The following TNFSF4 variants were observed in gnomAD, a reference collection of about 807,000 sequenced individuals.
TNFSF4 encodes tumor necrosis factor ligand superfamily member 4.
Under a neutral mutation model 7.3 loss-of-function variants are expected in TNFSF4, and 4 were observed. The observed-to-expected ratio is 0.55, with a 90% confidence interval of 0.27 to 1.25. The LOEUF is 1.25. Ranked by LOEUF, TNFSF4 falls within the 50% of genes most tolerant of loss-of-function variation. TNFSF4 has a pLI of 0.12. For synonymous variants in TNFSF4, 76 were observed against 83.7 expected, an observed-to-expected ratio of 0.91 and a Z score of 0.50; for missense variants, 181 against 208.8, an observed-to-expected ratio of 0.87 and a Z score of 0.82.
the TNFSF4 span, among the ~76,000 whole-genome samples, chr1:173,286,273 A>G: frequency 1.3e-5 from 2 of 152,236 alleles, no homozygotes; most frequent in African/African-American, 4.8e-5. Flanking sequence ...TAAAATGTAT[A>G]TAGAAATGTA....
At chr1:173,381,599 C>A in the TNFSF4 span, among the ~76,000 whole-genome samples, 2 of 152,202 alleles carry the variant, frequency 1.3e-5, no homozygotes, top group South Asian at 4.1e-4. Context: ...GACCCCTGAA[C>A]CAACCCATTG....
chr1:173,238,889 G>C, the TNFSF4 span, among the ~76,000 whole-genome samples: 1 of 152,116 alleles, frequency 6.6e-6, no homozygotes, highest in African/African-American at 2.4e-5. Flanking sequence ...GCCAAAAAAA[G>C]GGTATTAGAT....
At chr1:173,261,328 G>T in the TNFSF4 span, among the ~76,000 whole-genome samples, 3 of 152,192 alleles carry the variant, frequency 2.0e-5, no homozygotes, top group Non-Finnish European at 4.4e-5. Flanking sequence ...AGCTAAAGTA[G>T]TGTTAACAGG....
the TNFSF4 span, among the ~76,000 whole-genome samples, chr1:173,432,909 T>A: frequency 4.6e-5 from 7 of 152,342 alleles, no homozygotes; most frequent in African/African-American, 1.7e-4. Flanking sequence ...AGAAGAAAAG[T>A]GACAATTGTT....
chr1:173,378,463 T>C, the TNFSF4 span, among the ~76,000 whole-genome samples: 1 of 152,142 alleles, frequency 6.6e-6, no homozygotes, highest in African/African-American at 2.4e-5. Context: ...ATCAACAGGC[T>C]CACCCCTGAA....
the TNFSF4 span, among the ~76,000 whole-genome samples, chr1:173,346,166 C>A: frequency 6.6e-6 from 1 of 152,150 alleles, no homozygotes; most frequent in African/African-American, 2.4e-5. Flanking sequence ...CTCATCCCCA[C>A]CCTCAACTCT....
the TNFSF4 span, among the ~76,000 whole-genome samples, chr1:173,343,668 TCTAA>T: frequency 6.6e-6 from 1 of 152,226 alleles, no homozygotes. Context: ...CTCATGGCAT[TCTAA>T]ACAATCTTTT....
the TNFSF4 span, among the ~76,000 whole-genome samples, chr1:173,259,034 T>C: frequency 2.0e-5 from 3 of 152,132 alleles, no homozygotes; most frequent in African/African-American, 7.2e-5. Flanking sequence ...CTATGCTTCC[T>C]AACTGGGTGA....
the TNFSF4 span, among the ~76,000 whole-genome samples, chr1:173,443,966 T>C: frequency 7.2e-5 from 11 of 152,112 alleles, no homozygotes; most frequent in Admixed American, 6.6e-4. Context: ...TAGCCTATAG[T>C]CTTTGTTGCC....
At chr1:173,226,373 C>T in the TNFSF4 span, among the ~76,000 whole-genome samples, 1 of 152,270 alleles carries the variant, frequency 6.6e-6, no homozygotes, top group East Asian at 1.9e-4. Flanking sequence ...AAATTGCTTG[C>T]CCTGGGCTTT....
the TNFSF4 span, among the ~76,000 whole-genome samples, chr1:173,324,533 T>A: frequency 6.6e-6 from 1 of 152,150 alleles, no homozygotes; most frequent in Admixed American, 6.5e-5. Flanking sequence ...TAAATGTAAA[T>A]GGACTAAATG....
At chr1:173,291,637 G>C in the TNFSF4 span, among the ~76,000 whole-genome samples, 1 of 151,904 alleles carries the variant, frequency 6.6e-6, no homozygotes, top group African/African-American at 2.4e-5. Flanking sequence ...AAGAAAAGAA[G>C]TAGCCAAAAT....
the TNFSF4 span, among the ~76,000 whole-genome samples, chr1:173,388,057 C>G: frequency 6.6e-6 from 1 of 152,138 alleles, no homozygotes; most frequent in Admixed American, 6.5e-5. Context: ...AATAATAGCA[C>G]CTTTCACATT....
intron 1 of TNFSF4, chr1:173,205,200 G>A: frequency 7.9e-7 from 1 of 1,272,692 alleles, no homozygotes; most frequent in South Asian, 1.5e-5. Context: ...TCTATTTTCA[G>A]AGTAGACAGG....
the TNFSF4 span, among the ~76,000 whole-genome samples, chr1:173,257,197 A>G: frequency 6.6e-6 from 1 of 152,232 alleles, no homozygotes; most frequent in South Asian, 2.1e-4. Flanking sequence ...ACACCTATGC[A>G]CTGATGACTC....
the TNFSF4 span, among the ~76,000 whole-genome samples, chr1:173,269,512 G>T: frequency 1.3e-5 from 2 of 152,062 alleles, no homozygotes; most frequent in South Asian, 4.1e-4. Flanking sequence ...TGCATGCTTT[G>T]GGGCCATTAT....
chr1:173,236,410 T>C, the TNFSF4 span, among the ~76,000 whole-genome samples: 2 of 140,192 alleles, frequency 1.4e-5, no homozygotes, highest in Admixed American at 7.5e-5. Flanking sequence ...CAAGCACCAG[T>C]TATTTCAAAA....
At chr1:173,377,873 T>G in the TNFSF4 span, among the ~76,000 whole-genome samples, 1 of 152,274 alleles carries the variant, frequency 6.6e-6, no homozygotes, top group Admixed American at 6.5e-5. Flanking sequence ...CTCTTCCAAC[T>G]CTGAAGATCC....
At chr1:173,225,673 A>G in the TNFSF4 span, among the ~76,000 whole-genome samples, 1 of 152,244 alleles carries the variant, frequency 6.6e-6, no homozygotes, top group Non-Finnish European at 1.5e-5. Flanking sequence ...GATAATACTG[A>G]GGACTAGCTT....
Sources: gnomAD v4.1 joint callset for allele counts (sites outside exome capture counted in the v4.1 genomes callset) on GRCh38, gnomAD v4.1.1 for gene constraint, MANE v1.5 for transcripts, NCBI Gene and HGNC (gene_info 2026-07-23, HGNC 2026-07-21) for gene names.